Variants in EPHA7 observed in about 807,000 individuals in gnomAD.
EPHA7 encodes the protein ephrin type-A receptor 7.
Under a neutral mutation model 112.6 loss-of-function variants are expected in EPHA7, and 25 were observed. The observed-to-expected ratio is 0.22, with a 90% CI of 0.16 to 0.31. The LOEUF is 0.31. Ranked by LOEUF, EPHA7 falls within the 10% of genes least tolerant of loss-of-function variation. The pLI is 1.00. For synonymous variants in EPHA7, 437 were observed against 406.5 expected, an observed-to-expected ratio of 1.07 and a Z score of -0.90; for missense variants, 962 against 1,212.6, an observed-to-expected ratio of 0.79 and a Z score of 3.07.
rs549991508 is a variant in EPHA7 at position 93,306,740 on chromosome 6, A to G, written c.1325-34318T>C. On this transcript the variant is annotated intron_variant, in intron 5 of 16. Coordinates refer to ENST00000369303, the MANE Select transcript of EPHA7 (RefSeq NM_004440.4). ...AAATAATACATCTCCTATAAAAATA[A>G]TCAAATTAACTTTCCAAAGCATTAG... 6.6e-5 allele frequency among the ~76,000 whole-genome samples: 10 copies of G among 152,110 alleles called. 1 individual carries two copies. In the South Asian group the frequency reaches 2.1e-3, roughly 31 times the overall value.
intron 5 of EPHA7, among the ~76,000 whole-genome samples, chr6:93,334,853 A>C (rs2127909091): frequency 6.6e-6 from 1 of 152,246 alleles, no homozygotes; most frequent in South Asian, 2.1e-4. Context: ...CAAAACTAGT[A>C]AAGATTGCGA....
chr6:93,263,668 T>C (rs1770792594), intron 9 of EPHA7, among the ~76,000 whole-genome samples, 192 bp downstream of exon 9: 1 of 151,472 alleles, frequency 6.6e-6, no homozygotes, highest in Non-Finnish European at 1.5e-5. Flanking sequence ...TTTCTGAACA[T>C]ATTTTATTTT....
intron 5 of EPHA7, among the ~76,000 whole-genome samples, chr6:93,326,834 G>T (rs1774346230): frequency 6.6e-6 from 1 of 151,490 alleles, no homozygotes; most frequent in African/African-American, 2.4e-5. Context: ...ACAACAGAAA[G>T]ACATATTGTA....
intron 3 of EPHA7, among the ~76,000 whole-genome samples, chr6:93,381,812 C>T (rs954215075): frequency 6.6e-6 from 1 of 151,772 alleles, no homozygotes; most frequent in African/African-American, 2.4e-5. Context: ...ATGGCATTTC[C>T]ATCTGTCAAC....
chr6:93,350,868 G>A (rs541361491), intron 5 of EPHA7, among the ~76,000 whole-genome samples: 202 of 151,928 alleles, frequency 1.3e-3, no homozygotes, highest in African/African-American at 4.6e-3. Context: ...CGGTTTCCCC[G>A]CTGTCTATCA....
At chr6:93,418,941 G>T (rs796868100) in intron 1 of EPHA7, among the ~76,000 whole-genome samples, 3 of 152,170 alleles carry the variant, frequency 2.0e-5, no homozygotes, top group African/African-American at 7.2e-5. Flanking sequence ...TAAGCTCGCC[G>T]GCAGTTCCTC....
At chr6:93,353,877 C>T (rs1339333839) in intron 5 of EPHA7, among the ~76,000 whole-genome samples, 1 of 152,014 alleles carries the variant, frequency 6.6e-6, no homozygotes, top group African/African-American at 2.4e-5. Flanking sequence ...CACTTCTACT[C>T]ACACAAATAC....
intron 5 of EPHA7, among the ~76,000 whole-genome samples, chr6:93,279,879 T>G (rs923478559): frequency 2.4e-4 from 36 of 152,172 alleles, no homozygotes; most frequent in Admixed American, 2.4e-3. Context: ...TGCTGGCATT[T>G]TGAGTAGCAC....
At chr6:93,310,309 C>T (rs1289244785) in intron 5 of EPHA7, among the ~76,000 whole-genome samples, 1 of 152,032 alleles carries the variant, frequency 6.6e-6, no homozygotes, top group Non-Finnish European at 1.5e-5. Flanking sequence ...ATGGAAAAAT[C>T]CCCCAATAGA....
chr6:93,355,303 C>A (rs551959369), intron 5 of EPHA7, among the ~76,000 whole-genome samples: 6 of 152,116 alleles, frequency 3.9e-5, no homozygotes, highest in South Asian at 2.1e-4. Flanking sequence ...CAGAATGAAA[C>A]CTTTAGAATA....
intron 5 of EPHA7, among the ~76,000 whole-genome samples, chr6:93,292,709 TAAC>T (rs1470383312): frequency 1.3e-5 from 2 of 152,128 alleles, no homozygotes; most frequent in Admixed American, 6.5e-5. Context: ...TACAGAGAAG[TAAC>T]AACATCATCA....
At chr6:93,382,952 G>A (rs971853331) in intron 3 of EPHA7, among the ~76,000 whole-genome samples, 3 of 152,124 alleles carry the variant, frequency 2.0e-5, no homozygotes, top group African/African-American at 7.2e-5. Flanking sequence ...GGGAAAGTGA[G>A]TATTTGAAAC....
At chr6:93,258,565 C>T (rs903238990) in intron 10 of EPHA7, among the ~76,000 whole-genome samples, 20 of 121,378 alleles carry the variant, frequency 1.6e-4, no homozygotes, top group African/African-American at 5.1e-4. Context: ...ATAGAAGTTA[C>T]GCTTTCCTAA....
intron 5 of EPHA7, among the ~76,000 whole-genome samples, chr6:93,335,678 C>G (rs1774832220): frequency 6.6e-6 from 1 of 151,868 alleles, no homozygotes; most frequent in African/African-American, 2.4e-5. Context: ...TTTTTAATCC[C>G]ATTCCTATCT....
intron 5 of EPHA7, among the ~76,000 whole-genome samples, chr6:93,302,074 G>A (rs970688156): frequency 1.1e-4 from 17 of 152,200 alleles, no homozygotes; most frequent in Admixed American, 2.6e-4. Context: ...TCACTGGGCC[G>A]GAAAGTGTGT....
In EPHA7 at chr6:93,377,162, G is replaced by A. The variant is rs979064408; in HGVS notation, c.833-18751C>T. On this transcript the variant is annotated intron_variant, in intron 3 of 16. Transcript: ENST00000369303. The stretch of plus-strand genomic sequence containing the variant: ...ACACTTTCCATGATCATAACTGGGT[G>A]TGGAGGAGGTCTGTTACTGGTATCT... Among the ~76,000 whole-genome samples, 9 of 152,284 alleles carry A rather than the reference G, an allele frequency of 5.9e-5. No individual in the cohort carries two copies. In the South Asian group the frequency reaches 6.2e-4, roughly 11 times the overall value.
At chr6:93,245,539 A>G (rs1478486272) in intron 15 of EPHA7, 86 bp from the exon 16 acceptor site, 1 of 1,377,436 alleles carries the variant, frequency 7.3e-7, no homozygotes, top group Admixed American at 2.4e-5. Context: ...TAAGGTATAA[A>G]GAACAAAATT....
chr6:93,409,810 A>C (rs1778888022), intron 3 of EPHA7: 1 of 151,594 alleles, frequency 6.6e-6, no homozygotes, highest in Non-Finnish European at 1.5e-5. Flanking sequence ...ACTAATTCAT[A>C]CATGATTGTT....
chr6:93,365,528 G>A (rs1376590746), intron 3 of EPHA7, among the ~76,000 whole-genome samples: 1 of 152,140 alleles, frequency 6.6e-6, no homozygotes, highest in African/African-American at 2.4e-5. Flanking sequence ...CATCTGGGAT[G>A]GACAGATCCA....
Sources: allele counts gnomAD v4.1 joint callset (sites outside exome capture counted in the v4.1 genomes callset), GRCh38; gene constraint gnomAD v4.1.1; transcripts MANE v1.5; gene names NCBI Gene and HGNC (gene_info 2026-07-23, HGNC 2026-07-21).